The following GNAI1 variants were observed in gnomAD, a reference collection of about 807,000 sequenced individuals.
The protein encoded by GNAI1 is guanine nucleotide-binding protein G(i) subunit alpha-1.
A neutral mutation model predicts 38.9 loss-of-function variants in GNAI1; 11 were observed. That is an observed-to-expected ratio of 0.28 (90% CI 0.18 to 0.47). GNAI1 has a LOEUF of 0.47. Ranked by LOEUF, GNAI1 falls within the 20% of genes least tolerant of loss-of-function variation. The pLI, the probability that GNAI1 is intolerant of heterozygous loss-of-function variation, is 0.99. For synonymous variants in GNAI1, 166 were observed against 145.1 expected, an observed-to-expected ratio of 1.14 and a Z score of -1.04; for missense variants, 317 against 436.9, an observed-to-expected ratio of 0.73 and a Z score of 2.45.
At chr7:80,200,324 CA>C (rs59511755) in intron 4 of GNAI1, among the ~76,000 whole-genome samples, 14 of 40,374 alleles carry the variant, frequency 3.5e-4, no homozygotes, top group African/African-American at 1.7e-3. Flanking sequence ...GGCCATGTCT[CA>C]AAAAAAAAAA....
chr7:80,139,073 C>T, intron 1 of GNAI1, among the ~76,000 whole-genome samples: 1 of 152,026 alleles, frequency 6.6e-6, no homozygotes, highest in East Asian at 1.9e-4. Context: ...GTCAAAAAGC[C>T]CATTTCCTTG....
intron 1 of GNAI1, among the ~76,000 whole-genome samples, chr7:80,142,213 C>T (rs1048249294): frequency 3.9e-5 from 6 of 151,962 alleles, no homozygotes; most frequent in Admixed American, 1.3e-4. Context: ...ATAGCAGCAC[C>T]CCATTTCCCA....
chr7:80,186,408 G>A (rs1261126996), intron 1 of GNAI1, among the ~76,000 whole-genome samples: 2 of 152,122 alleles, frequency 1.3e-5, no homozygotes, highest in African/African-American at 4.8e-5. Context: ...TGCAAAGTAA[G>A]CTAAGCGTCC....
Position 80,219,997 on chromosome 7 carries a change from T to G in GNAI1, c.*2504T>G, listed in dbSNP as rs1789043211. The stretch of plus-strand genomic sequence containing the variant: ...CTTCCTCTTAAAATGGCATTATTAG[T>G]TAAATTCCCCACCTCCCATTTCTCT... On this transcript the variant is annotated 3_prime_UTR_variant, in exon 8 of 8. Coordinates refer to ENST00000649796, the MANE Select transcript of GNAI1 (RefSeq NM_002069.6). 6.6e-6 allele frequency among the ~76,000 whole-genome samples: 1 copy of G among 152,226 alleles called. No homozygotes were observed. The highest frequency in any genetic ancestry group is 1.5e-5 in the Non-Finnish European group (1 of 68,034).
intron 1 of GNAI1, 116 bp from the exon 2 acceptor site, chr7:80,188,835 A>G (rs1169756651): frequency 1.4e-6 from 1 of 692,906 alleles, no homozygotes; most frequent in South Asian, 1.7e-5. Context: ...TCTAAGAGGT[A>G]GACACACAGA....
rs1046397496 is a variant in GNAI1, at chr7:80,225,646, T to G, written c.*8153T>G. On this transcript the variant is annotated 3_prime_UTR_variant, in exon 8 of 8. Coordinates refer to ENST00000649796, the MANE Select transcript of GNAI1 (RefSeq NM_002069.6). ...GCTATCTGCAGGACTTAAATCAGGA[T>G]AGAGTATCAAATATTCCAAGGCCTT... 3.3e-5 allele frequency among the ~76,000 whole-genome samples: 5 copies of G among 152,284 alleles called. No individual in the cohort carries two copies. The highest frequency in any genetic ancestry group is 1.2e-4 in the African/African-American group (5 of 41,566).
intron 1 of GNAI1, among the ~76,000 whole-genome samples, chr7:80,177,556 A>G (rs1442573486): frequency 6.6e-6 from 1 of 152,182 alleles, no homozygotes; most frequent in Non-Finnish European, 1.5e-5. Context: ...GTCATAGTTT[A>G]CTGCAGCCTT....
chr7:80,142,747 T>G (rs538135381), intron 1 of GNAI1, among the ~76,000 whole-genome samples: 3 of 152,202 alleles, frequency 2.0e-5, no homozygotes, highest in Non-Finnish European at 4.4e-5. Flanking sequence ...CTTGCTGGTT[T>G]AGAGTAATGA....
intron 3 of GNAI1, among the ~76,000 whole-genome samples, chr7:80,196,817 T>C (rs903503233): frequency 6.6e-6 from 1 of 151,982 alleles, no homozygotes; most frequent in African/African-American, 2.4e-5. Flanking sequence ...GAAAAAATTA[T>C]CTGAGCTTTA....
Position 80,220,527 on chromosome 7 carries a change from C to A in GNAI1, c.*3034C>A, listed in dbSNP as rs953143583. On this transcript the variant is annotated 3_prime_UTR_variant, in exon 8 of 8. Coordinates refer to ENST00000649796, the MANE Select transcript of GNAI1 (RefSeq NM_002069.6). ...CCAATCCGAGTCCTCCAGCATTGGACGAGTGAGCCAATCATTGTCCCAGTT... is the reference window on the plus strand; with the variant it reads ...CCAATCCGAGTCCTCCAGCATTGGAAGAGTGAGCCAATCATTGTCCCAGTT... Among the ~76,000 whole-genome samples, 2 of 152,180 alleles carry A rather than the reference C, an allele frequency of 1.3e-5. No homozygotes were observed. The highest frequency in any genetic ancestry group is 4.8e-5 in the African/African-American group (2 of 41,450).
In GNAI1 at chr7:80,218,381, T is replaced by C. The variant is rs1002288843; in HGVS notation, c.*888T>C. 2.0e-5 allele frequency: 3 copies of C among 152,146 alleles called. No individual in the cohort carries two copies. Among genetic ancestry groups the C allele is most frequent in the African/African-American group, 4.8e-5 (2 of 41,454 alleles). 9.4% of individuals were successfully genotyped at this position (152,146 alleles called of 1,614,324 possible). Reference sequence around the variant, plus strand: ...ATGTCATCTTAATTTTTATTCACTTTAAATAACTACATTTTTGTTTATAAC... The same window carrying C: ...ATGTCATCTTAATTTTTATTCACTTCAAATAACTACATTTTTGTTTATAAC... On this transcript the variant is annotated 3_prime_UTR_variant, in exon 8 of 8. Coordinates refer to ENST00000649796, the MANE Select transcript of GNAI1 (RefSeq NM_002069.6).
rs765042447 is a variant in GNAI1 at position 80,188,039 on chromosome 7, T to TG, written c.119-910dup. Among the ~76,000 whole-genome samples, 173 of 152,356 alleles carry TG rather than the reference T, an allele frequency of 1.1e-3. 2 individuals carry two copies. Among genetic ancestry groups the TG allele is most frequent in the Non-Finnish European group, 5.9e-4 (40 of 68,040 alleles). On this transcript the variant is annotated intron_variant, in intron 1 of 7. Coordinates refer to ENST00000649796, the MANE Select transcript of GNAI1 (RefSeq NM_002069.6). The stretch of plus-strand genomic sequence containing the variant: ...GAAGGAGAGTTCTGAGAATGGCTCC[T>TG]GGCCTTATGGCTTGCATAACAATGA...
In GNAI1 at chr7:80,221,644, T is replaced by TC. The variant is rs1374298376; in HGVS notation, c.*4151_*4152insC. Among the ~76,000 whole-genome samples, 1 of 135,806 alleles carries TC rather than the reference T, an allele frequency of 7.4e-6. No homozygotes were observed. The highest frequency in any genetic ancestry group is 2.8e-5 in the African/African-American group (1 of 35,462). The allele number at this position is 135,806 out of a possible 152,430, so 89.1% of individuals were successfully genotyped here. On this transcript the variant is annotated 3_prime_UTR_variant, in exon 8 of 8. Coordinates refer to ENST00000649796, the MANE Select transcript of GNAI1 (RefSeq NM_002069.6). The stretch of plus-strand genomic sequence containing the variant: ...GTTAGGTTGGAAATTTTCTTTTTTT[T>TC]TTTTTTTTTTTTTTTTTGGTATGGA...
At chr7:80,172,680 T>C (rs1788117003) in intron 1 of GNAI1, among the ~76,000 whole-genome samples, 1 of 152,174 alleles carries the variant, frequency 6.6e-6, no homozygotes, top group Non-Finnish European at 1.5e-5. Context: ...TCCTTCCAGA[T>C]TGTAACATCC....
rs1324952304 is a variant in GNAI1 at position 80,219,045 on chromosome 7, G to GTGTGTGTC, written c.*1559_*1560insCTGTGTGT. On this transcript the variant is annotated 3_prime_UTR_variant, in exon 8 of 8. Coordinates refer to ENST00000649796, the MANE Select transcript of GNAI1 (RefSeq NM_002069.6). ...AGTATATTTGTGTGTGTGTGTGTGT[G>GTGTGTGTC]TGTGTGTGTGTGTGTAACCATAAAC... The GTGTGTGTC allele has an allele frequency of 6.6e-6, 1 of 152,204 alleles. No individual in the cohort carries two copies. The highest frequency in any genetic ancestry group is 1.5e-5 in the Non-Finnish European group (1 of 67,960). The allele number at this position is 152,204 out of a possible 1,614,324, so 9.4% of individuals were successfully genotyped here. A position where few individuals can be genotyped will look rare whatever the true frequency, so the allele number is the denominator to read the frequency against.
chr7:80,225,717 T>C lies in GNAI1; in HGVS notation c.*8224T>C, dbSNP rs1789147879. On this transcript the variant is annotated 3_prime_UTR_variant, in exon 8 of 8. Coordinates refer to ENST00000649796, the MANE Select transcript of GNAI1 (RefSeq NM_002069.6). ...GATAAAGACAGAAGATTGCAAATGG[T>C]TTGCTCTTTAACAGTCAATAAAATC... Among the ~76,000 whole-genome samples the C allele has an allele frequency of 6.6e-6, 1 of 152,222 alleles. No homozygotes were observed. The highest frequency in any genetic ancestry group is 2.4e-5 in the African/African-American group (1 of 41,458).
At chr7:80,190,107 G>C (rs879745783) in intron 3 of GNAI1, among the ~76,000 whole-genome samples, 1 of 151,874 alleles carries the variant, frequency 6.6e-6, no homozygotes, top group Non-Finnish European at 1.5e-5. Context: ...TTTGTGTATA[G>C]AGACTATAAA....
chr7:80,165,530 A>T (rs889574029), intron 1 of GNAI1, among the ~76,000 whole-genome samples: 17 of 152,350 alleles, frequency 1.1e-4, no homozygotes, highest in South Asian at 2.1e-4. Context: ...TCAGTTATTT[A>T]AAAAACATGA....
chr7:80,218,585 C>G lies in GNAI1; in HGVS notation c.*1092C>G, dbSNP rs900531749. 6.6e-6 allele frequency: 1 copy of G among 152,090 alleles called. No homozygotes were observed. Among genetic ancestry groups the G allele is most frequent in the African/African-American group, 2.4e-5 (1 of 41,428 alleles). 9.4% of individuals were successfully genotyped at this position (152,090 alleles called of 1,614,324 possible). Reference sequence around the variant, plus strand: ...AGAAGGATCTTTGAATACTCTATTGCTGATATAATGCAAGATTTAAATTTA... The same window carrying G: ...AGAAGGATCTTTGAATACTCTATTGGTGATATAATGCAAGATTTAAATTTA... On this transcript the variant is annotated 3_prime_UTR_variant, in exon 8 of 8. Coordinates refer to ENST00000649796, the MANE Select transcript of GNAI1 (RefSeq NM_002069.6).
Sources: allele counts gnomAD v4.1 joint callset (sites outside exome capture counted in the v4.1 genomes callset), GRCh38; gene constraint gnomAD v4.1.1; transcripts MANE v1.5; gene names NCBI Gene and HGNC (gene_info 2026-07-23, HGNC 2026-07-21).